The following HHAT variants were observed in gnomAD, a reference collection of about 807,000 sequenced individuals.
The protein encoded by HHAT is hedgehog acyltransferase.
Under a neutral mutation model 70.8 loss-of-function variants are expected in HHAT, and 47 were observed. The observed-to-expected ratio is 0.66, with a 90% CI of 0.53 to 0.85. HHAT has a LOEUF of 0.85. Among genes scored for constraint, HHAT ranks in the 40% least tolerant of loss-of-function variants. The pLI, the probability that HHAT is intolerant of heterozygous loss-of-function variation, is 0.00. For synonymous variants in HHAT, 228 were observed against 247.6 expected (o/e 0.92, Z 0.74); for missense variants, 609 against 604.8 (o/e 1.01, Z -0.07).
chr1:210,590,542 C>CCAAAA (rs1661456090), intron 10 of HHAT: 1 of 40,594 alleles, frequency 2.5e-5, no homozygotes, highest in African/African-American at 7.6e-5. Flanking sequence ...AGTTCCAGTC[C>CCAAAA]AAAAAAAAAA....
chr1:210,635,138 T>C (rs763474607), intron 11 of HHAT, among the ~76,000 whole-genome samples: 2 of 151,820 alleles, frequency 1.3e-5, no homozygotes, highest in Non-Finnish European at 2.9e-5. Flanking sequence ...AAAGTCACCA[T>C]AGAGGAGGTG....
intron 4 of HHAT, among the ~76,000 whole-genome samples, chr1:210,392,928 A>G (rs185305438): frequency 1.6e-4 from 24 of 152,264 alleles, no homozygotes; most frequent in Admixed American, 1.5e-3. Context: ...TGACATTGGC[A>G]GAAATCTAGC....
At chr1:210,372,584 C>T (rs1478673589) in intron 3 of HHAT, among the ~76,000 whole-genome samples, 1 of 152,140 alleles carries the variant, frequency 6.6e-6, no homozygotes, top group Non-Finnish European at 1.5e-5. Context: ...CTTGTGAAGC[C>T]TCTATTGTCT....
At chr1:210,548,566 G>A (rs1489614307) in intron 9 of HHAT, among the ~76,000 whole-genome samples, 1 of 152,204 alleles carries the variant, frequency 6.6e-6, no homozygotes, top group Non-Finnish European at 1.5e-5. Context: ...CCCAGATGTG[G>A]CTTGATGCTC....
Position 210,586,823 on chromosome 1 carries a change from T to C in HHAT, c.1044-1075T>C, listed in dbSNP as rs142932899. Among the ~76,000 whole-genome samples the C allele has an allele frequency of 5.9e-3, 892 of 152,084 alleles. 2 individuals are homozygous for C. The highest frequency in any genetic ancestry group is 9.5e-3 in the Non-Finnish European group (644 of 68,000). On this transcript the variant is annotated intron_variant, in intron 9 of 11. Transcript: ENST00000261458. ...AGGTCCTAACAGCTCAAGGTGTGAG[T>C]TTTGTCCAACTCAAGCAGGAAATTA...
chr1:210,327,661 A>G (rs937225606), upstream of HHAT, among the ~76,000 whole-genome samples: 3 of 151,380 alleles, frequency 2.0e-5, no homozygotes, highest in Non-Finnish European at 4.4e-5. Flanking sequence ...GCAGGCCACC[A>G]CACCCGGCTA....
intron 8 of HHAT, among the ~76,000 whole-genome samples, chr1:210,496,187 G>A (rs1016623540): frequency 3.3e-5 from 5 of 151,922 alleles, no homozygotes; most frequent in African/African-American, 1.2e-4. Context: ...ATTTAGAGGG[G>A]TGATGTCAGC....
At chr1:210,524,299 A>G (rs2095212124) in intron 9 of HHAT, among the ~76,000 whole-genome samples, 1 of 152,198 alleles carries the variant, frequency 6.6e-6, no homozygotes, top group African/African-American at 2.4e-5. Context: ...GTAAGCAAGC[A>G]CTGTCATTCC....
intron 5 of HHAT, among the ~76,000 whole-genome samples, chr1:210,404,091 G>C (rs1321586749): frequency 4.3e-4 from 66 of 152,288 alleles, no homozygotes; most frequent in Middle Eastern, 3.4e-3. Context: ...TATCTGAATT[G>C]TTGAAGAAGC....
intron 11 of HHAT, among the ~76,000 whole-genome samples, chr1:210,634,031 T>C (rs1671389023): frequency 1.3e-5 from 2 of 152,190 alleles, no homozygotes; most frequent in African/African-American, 4.8e-5. Context: ...AAACAAAAAA[T>C]TGGGAAGACT....
intron 8 of HHAT, among the ~76,000 whole-genome samples, chr1:210,472,299 T>G (rs535953674): frequency 1.3e-5 from 2 of 152,336 alleles, no homozygotes; most frequent in South Asian, 4.1e-4. Context: ...TACTATTATT[T>G]TTGCCACTCT....
chr1:210,507,740 A>G (rs2094885455), intron 8 of HHAT, among the ~76,000 whole-genome samples: 1 of 152,096 alleles, frequency 6.6e-6, no homozygotes, highest in South Asian at 2.1e-4. Context: ...CCCACCCCTG[A>G]ACTCTTTGGA....
In HHAT at chr1:210,387,600, T is replaced by A. The variant is rs760750477; in HGVS notation, c.273+19T>A. On this transcript the variant is annotated intron_variant, in intron 4 of 11. Coordinates refer to ENST00000261458, the MANE Select transcript of HHAT (RefSeq NM_018194.6). The stretch of plus-strand genomic sequence containing the variant: ...AAGAAAGGTATGATTATATGTGTTG[T>A]TACCTTTTAAGTGTGTTTTTCCTTT... 1 of 1,576,594 alleles carries A rather than the reference T, an allele frequency of 6.3e-7. No homozygotes were observed. The highest frequency in any genetic ancestry group is 8.7e-7 in the Non-Finnish European group (1 of 1,146,164).
chr1:210,469,630 T>TAATCATTACA (rs1444233990), intron 8 of HHAT, among the ~76,000 whole-genome samples: 10 of 152,200 alleles, frequency 6.6e-5, no homozygotes, highest in African/African-American at 9.6e-5. Flanking sequence ...TAATGATTAA[T>TAATCATTACA]AATCATTACA....
intron 4 of HHAT, among the ~76,000 whole-genome samples, chr1:210,391,462 GAC>G (rs985742334): frequency 6.6e-6 from 1 of 152,196 alleles, no homozygotes; most frequent in African/African-American, 2.4e-5. Flanking sequence ...TTTATCTAAT[GAC>G]ACAATAGAAA....
chr1:210,473,228 T>G (rs1255606565), intron 8 of HHAT, among the ~76,000 whole-genome samples: 1 of 152,218 alleles, frequency 6.6e-6, no homozygotes, highest in African/African-American at 2.4e-5. Flanking sequence ...AATGCTATAC[T>G]AGAGTCAGGT....
intron 8 of HHAT, among the ~76,000 whole-genome samples, chr1:210,494,542 C>CTTTTTTTTTTTTTTTTGTTTTTTTTT (rs2094601568): frequency 1.2e-5 from 1 of 82,850 alleles, no homozygotes; most frequent in Non-Finnish European, 2.2e-5. Flanking sequence ...TTTGAAATAG[C>CTTTTTTTTTTTTTTTTGTTTTTTTTT]TTTTTTTTTT....
In HHAT at chr1:210,599,811, A is replaced by G. The variant is rs531549491; in HGVS notation, c.1245+11712A>G. On this transcript the variant is annotated intron_variant, in intron 10 of 11. Coordinates refer to ENST00000261458, the MANE Select transcript of HHAT (RefSeq NM_018194.6). ...ACCATGTTGCTGTCTTTTAAATCCTATAGTGACTCCCATTGTCTTAGAACC... is the reference window on the plus strand; with the variant it reads ...ACCATGTTGCTGTCTTTTAAATCCTGTAGTGACTCCCATTGTCTTAGAACC... Among the ~76,000 whole-genome samples the G allele has an allele frequency of 3.5e-4, 53 of 152,230 alleles. No homozygotes were observed. In the Middle Eastern group the frequency reaches 0.02, roughly 59 times the overall value.
intron 9 of HHAT, among the ~76,000 whole-genome samples, chr1:210,577,954 A>T (rs1035027294): frequency 6.6e-6 from 1 of 151,956 alleles, no homozygotes; most frequent in Admixed American, 6.6e-5. Context: ...TTGGCCTGTA[A>T]TTTTTTAATG....
Sources: gnomAD v4.1 joint callset for allele counts (sites outside exome capture counted in the v4.1 genomes callset) on GRCh38, gnomAD v4.1.1 for gene constraint, MANE v1.5 for transcripts, NCBI Gene and HGNC (gene_info 2026-07-23, HGNC 2026-07-21) for gene names.